Variants in SIAH3 observed in about 807,000 individuals in gnomAD.
The protein encoded by SIAH3 is seven in absentia homolog 3.
Under a neutral mutation model 12.6 loss-of-function variants are expected in SIAH3, and 9 were observed. The ratio of observed to expected loss-of-function variants is 0.72; its 90% confidence interval spans 0.43 to 1.25. SIAH3 has a LOEUF of 1.25. Among genes scored for constraint, SIAH3 ranks in the 50% most tolerant of loss-of-function variants. The pLI, the probability that SIAH3 is intolerant of heterozygous loss-of-function variation, is 0.00. For missense variants in SIAH3, 390 were observed against 365.4 expected, an observed-to-expected ratio of 1.07 and a Z score of -0.55; for synonymous variants, 154 against 151.1, an observed-to-expected ratio of 1.02 and a Z score of -0.14.
In SIAH3 at chr13:45,829,722, T is replaced by C. The variant is rs796734622; in HGVS notation, c.135+21773A>G. ...CTGTTCTGACATCTATCTCCATCAA[T>C]TAGTTTGAGGCAAAACTGTCTTGCT... On this transcript the variant is annotated intron_variant, in intron 1 of 1. Coordinates refer to ENST00000400405, the MANE Select transcript of SIAH3 (RefSeq NM_198849.3). 2.5e-4 allele frequency among the ~76,000 whole-genome samples: 38 copies of C among 152,326 alleles called. 2 individuals are homozygous for C. Among genetic ancestry groups the C allele is most frequent in the African/African-American group, 9.1e-4 (38 of 41,586 alleles).
chr13:45,851,273 C>A (rs6561271), intron 1 of SIAH3, among the ~76,000 whole-genome samples: 1 of 152,056 alleles, frequency 6.6e-6, no homozygotes, highest in African/African-American at 2.4e-5. Flanking sequence ...ATCAATCCAG[C>A]TTTTCCTGCC....
At chr13:45,838,964 A>C (rs1337349768) in intron 1 of SIAH3, among the ~76,000 whole-genome samples, 1 of 152,082 alleles carries the variant, frequency 6.6e-6, no homozygotes, top group African/African-American at 2.4e-5. Flanking sequence ...GAAAAAGAAA[A>C]TGTTGGAAGG....
At chr13:45,822,194 G>A (rs961218247) in intron 1 of SIAH3, among the ~76,000 whole-genome samples, 8 of 152,038 alleles carry the variant, frequency 5.3e-5, no homozygotes, top group African/African-American at 1.2e-4. Flanking sequence ...GTCTCAATGC[G>A]GACCTATATG....
chr13:45,838,784 C>T (rs1024538394), intron 1 of SIAH3, among the ~76,000 whole-genome samples: 2 of 151,932 alleles, frequency 1.3e-5, no homozygotes, highest in Admixed American at 1.3e-4. Context: ...CTCCTTGGCT[C>T]CTGCTTGAGT....
chr13:45,804,678 A>G (rs1418786819), intron 1 of SIAH3, among the ~76,000 whole-genome samples: 1 of 152,122 alleles, frequency 6.6e-6, no homozygotes, highest in Non-Finnish European at 1.5e-5. Context: ...GGCCACTCTC[A>G]CTATTCCTAT....
chr13:45,812,446 G>T (rs1241058618), intron 1 of SIAH3, among the ~76,000 whole-genome samples: 1 of 149,828 alleles, frequency 6.7e-6, no homozygotes, highest in East Asian at 1.9e-4. Context: ...CTTGAGAGAG[G>T]TTAAAATTAG....
chr13:45,813,599 C>A (rs970037897), intron 1 of SIAH3, among the ~76,000 whole-genome samples: 18 of 152,184 alleles, frequency 1.2e-4, no homozygotes, highest in African/African-American at 4.3e-4. Context: ...CAGTTTCTGC[C>A]ATTTAAAAGT....
chr13:45,801,188 G>T (rs985025101), intron 1 of SIAH3, among the ~76,000 whole-genome samples: 1 of 152,118 alleles, frequency 6.6e-6, no homozygotes, highest in African/African-American at 2.4e-5. Context: ...TGCAATATAT[G>T]TGTGCATGGA....
chr13:45,844,593 C>T (rs1011342883), intron 1 of SIAH3, among the ~76,000 whole-genome samples: 7 of 152,136 alleles, frequency 4.6e-5, no homozygotes, highest in East Asian at 1.9e-4. Context: ...ACTACTAAGC[C>T]GTCATAATCG....
chr13:45,799,484 G>A (rs1950574047), intron 1 of SIAH3, among the ~76,000 whole-genome samples: 1 of 152,214 alleles, frequency 6.6e-6, no homozygotes, highest in African/African-American at 2.4e-5. Context: ...CACCTGCTGA[G>A]TGTCTGTTCT....
At chr13:45,793,093 G>A (rs1950551435) in intron 1 of SIAH3, among the ~76,000 whole-genome samples, 1 of 152,232 alleles carries the variant, frequency 6.6e-6, no homozygotes, top group Non-Finnish European at 1.5e-5. Flanking sequence ...TGGACACCAT[G>A]TCCAGAGATT....
rs11311084 is a variant in SIAH3 at position 45,794,096 on chromosome 13, C to CTTTTT, written c.136-10044_136-10040dup. 2.0e-3 allele frequency among the ~76,000 whole-genome samples: 291 copies of CTTTTT among 146,540 alleles called. 2 individuals are homozygous for CTTTTT. The highest frequency in any genetic ancestry group is 6.7e-3 in the African/African-American group (268 of 39,992). On this transcript the variant is annotated intron_variant, in intron 1 of 1. Transcript: ENST00000400405. ...CAGAAGCTGTGTGGCCCTCCTGACA[C>CTTTTT]TTTTTTTTTTTTTTGAGATGGAGTC...
intron 1 of SIAH3, among the ~76,000 whole-genome samples, chr13:45,826,440 C>T (rs9526112): frequency 0.06 from 2,871 of 47,866 alleles, 259 homozygotes; most frequent in East Asian, 0.39. Context: ...TGAATGGATG[C>T]ATGGATGGAT....
chr13:45,820,016 A>C (rs2137569621), intron 1 of SIAH3, among the ~76,000 whole-genome samples: 1 of 152,330 alleles, frequency 6.6e-6, no homozygotes, highest in African/African-American at 2.4e-5. Flanking sequence ...CCGTGTCCTC[A>C]CATAGCAGGA....
intron 1 of SIAH3, among the ~76,000 whole-genome samples, chr13:45,794,606 C>G (rs969884008): frequency 1.3e-5 from 2 of 152,062 alleles, no homozygotes; most frequent in African/African-American, 4.8e-5. Context: ...CTTATGAGAG[C>G]TGATGGTTTT....
chr13:45,786,112 G>GT (rs1344431070), intron 1 of SIAH3, among the ~76,000 whole-genome samples: 9 of 152,108 alleles, frequency 5.9e-5, no homozygotes, highest in South Asian at 2.1e-4. Flanking sequence ...TAGTGATTTG[G>GT]TCGGGGGGGT....
intron 1 of SIAH3, among the ~76,000 whole-genome samples, chr13:45,804,963 AACACACACACAC>A (rs56315825): frequency 0.02 from 2,699 of 135,892 alleles, 49 homozygotes; most frequent in African/African-American, 0.05. Flanking sequence ...TCCCATTTAT[AACACACACACAC>A]ACACACACAC....
In SIAH3 at chr13:45,778,500, C is replaced by A. The variant is rs931052731; in HGVS notation, c.*4883G>T. Reference sequence around the variant, plus strand: ...GAAAATGCTCTTGAAGCTGCTTAAGCCTCAGAGTCTCTTCTCCAGAAGAGT... The same window carrying A: ...GAAAATGCTCTTGAAGCTGCTTAAGACTCAGAGTCTCTTCTCCAGAAGAGT... On this transcript the variant is annotated 3_prime_UTR_variant, in exon 2 of 2. Coordinates refer to ENST00000400405, the MANE Select transcript of SIAH3 (RefSeq NM_198849.3). 2.0e-5 allele frequency: 3 copies of A among 152,240 alleles called. No individual in the cohort carries two copies. Among genetic ancestry groups the A allele is most frequent in the Non-Finnish European group, 2.9e-5 (2 of 68,050 alleles). 9.4% of individuals were successfully genotyped at this position (152,240 alleles called of 1,614,324 possible). A position where few individuals can be genotyped will look rare whatever the true frequency, so the allele number is the denominator to read the frequency against.
chr13:45,805,260 C>T (rs920783968), intron 1 of SIAH3, among the ~76,000 whole-genome samples: 25 of 151,972 alleles, frequency 1.6e-4, no homozygotes, highest in African/African-American at 4.8e-4. Context: ...AAAAAGAGTG[C>T]GAATAGCCAA....
Sources: gnomAD v4.1 joint callset for allele counts (sites outside exome capture counted in the v4.1 genomes callset) on GRCh38, gnomAD v4.1.1 for gene constraint, MANE v1.5 for transcripts, NCBI Gene and HGNC (gene_info 2026-07-23, HGNC 2026-07-21) for gene names.